SRPRB: variants seen among roughly 807,000 people sequenced by gnomAD.
The protein encoded by SRPRB is SRP receptor subunit beta.
SRPRB carries 20 observed loss-of-function variants against 31.9 expected under a neutral mutation model. That is an observed-to-expected ratio of 0.63 (90% CI 0.44 to 0.91). The LOEUF (loss-of-function observed/expected upper bound fraction) is 0.91. Ranked by LOEUF, SRPRB falls within the 40% of genes least tolerant of loss-of-function variation. The probability of loss-of-function intolerance (pLI) is 0.00; values close to 1 mark genes in which losing one functional copy is unlikely to be tolerated. For synonymous variants in SRPRB, 146 were observed against 132.8 expected (o/e 1.10, Z -0.68); for missense variants, 321 against 324.9 (o/e 0.99, Z 0.09).
In SRPRB at chr3:133,816,385, G is replaced by A. The variant is rs7615183; in HGVS notation, c.548-493G>A. 3.6e-3 allele frequency among the ~76,000 whole-genome samples: 554 copies of A among 152,272 alleles called. 3 individuals are homozygous for A. The highest frequency in any genetic ancestry group is 0.013 in the African/African-American group (525 of 41,566). The stretch of plus-strand genomic sequence containing the variant: ...ATTGAATATAAGGAAGGGAGTTATT[G>A]TTTATTTGCCATGGGCTTTGTGCCA... On this transcript the variant is annotated intron_variant, in intron 5 of 6. Transcript: ENST00000678299.
At chr3:133,815,197 C>G (rs1213683052) in intron 4 of SRPRB, among the ~76,000 whole-genome samples, 1 of 152,210 alleles carries the variant, frequency 6.6e-6, no homozygotes, top group Non-Finnish European at 1.5e-5. Flanking sequence ...AATTTTTGGT[C>G]TAGCTAAGAT....
At chr3:133,786,231 A>AAAAAC (rs1288769305) in intron 1 of SRPRB, 3 of 150,970 alleles carry the variant, frequency 2.0e-5, no homozygotes, top group Non-Finnish European at 2.9e-5. Flanking sequence ...TTAAAAAAAA[A>AAAAAC]AAAAAAAAAC....
upstream of SRPRB, among the ~76,000 whole-genome samples, chr3:133,803,529 G>T (rs1935092401): frequency 3.3e-5 from 5 of 152,158 alleles, no homozygotes; most frequent in Admixed American, 3.3e-4. Context: ...GCTTTTGAGG[G>T]TGTGCCTAAA....
intron 4 of SRPRB, among the ~76,000 whole-genome samples, chr3:133,811,534 T>A (rs1249338290): frequency 6.6e-6 from 1 of 152,122 alleles, no homozygotes; most frequent in Non-Finnish European, 1.5e-5. Context: ...AAAGCTGGGA[T>A]GAATCCTAGC....
chr3:133,804,113 A>AG (rs1193280480), upstream of SRPRB, among the ~76,000 whole-genome samples: 3 of 150,692 alleles, frequency 2.0e-5, no homozygotes, highest in Non-Finnish European at 4.4e-5. Flanking sequence ...AAAAAAAAAA[A>AG]AAAGAAAAAA....
intron 1 of SRPRB, among the ~76,000 whole-genome samples, chr3:133,798,261 G>A (rs144975954): frequency 3.0e-4 from 45 of 152,320 alleles, no homozygotes; most frequent in African/African-American, 9.6e-4. Context: ...GGGGCAAAAG[G>A]AAGCATAAAG....
intron 1 of SRPRB, chr3:133,791,286 T>A (rs1408666549): frequency 6.6e-6 from 1 of 152,164 alleles, no homozygotes; most frequent in African/African-American, 2.4e-5. Context: ...AGAATTTGAG[T>A]CATATTTCTC....
intron 6 of SRPRB, among the ~76,000 whole-genome samples, chr3:133,817,149 T>C (rs534454736): frequency 1.3e-5 from 2 of 152,208 alleles, no homozygotes; most frequent in Non-Finnish European, 2.9e-5. Flanking sequence ...GAAAGAAGAT[T>C]TTTTTGAAAC....
chr3:133,807,808 A>G lies in SRPRB; in HGVS notation c.312A>G (p.Arg104=). The part of the protein sequence containing the change: ...TSITDSCAVY[R]VNNNRGNSLT... Reference sequence around the variant, plus strand: ...TTACTGACAGCTGTGCTGTATACAGAGTCAACAATAACAGGGTAAGATGTT... The same window carrying G: ...TTACTGACAGCTGTGCTGTATACAGGGTCAACAATAACAGGGTAAGATGTT... Residue 104 remains arginine, a synonymous_variant, in exon 3 of 7, where the codon AGA becomes AGG. Transcript: ENST00000678299. 6.2e-7 allele frequency: 1 copy of G among 1,611,178 alleles called. No homozygotes were observed. The highest frequency in any genetic ancestry group is 8.5e-7 in the Non-Finnish European group (1 of 1,179,274).
At chr3:133,800,573 C>T (rs182318666) in intron 1 of SRPRB, among the ~76,000 whole-genome samples, 9 of 152,160 alleles carry the variant, frequency 5.9e-5, no homozygotes, top group South Asian at 4.1e-4. Flanking sequence ...TTGTATCTGA[C>T]GAAGAATATT....
chr3:133,818,365 T>C (rs1193794691), intron 6 of SRPRB, among the ~76,000 whole-genome samples: 1 of 152,220 alleles, frequency 6.6e-6, no homozygotes, highest in Admixed American at 6.5e-5. Flanking sequence ...CAATCCTTTT[T>C]TAAAAGCATT....
chr3:133,818,785 AGTGT>A (rs146467727), intron 6 of SRPRB, among the ~76,000 whole-genome samples: 6,087 of 144,136 alleles, frequency 0.042, 252 homozygotes, highest in African/African-American at 0.12. Flanking sequence ...ATACTTTTAC[AGTGT>A]GTGTGTGTGT....
chr3:133,827,950 A>G (rs1256618334), downstream of SRPRB: 5 of 702,884 alleles, frequency 7.1e-6, no homozygotes, highest in East Asian at 1.3e-4. Flanking sequence ...CCAGTCTATA[A>G]ACCACGCACC....
intron 6 of SRPRB, among the ~76,000 whole-genome samples, chr3:133,817,347 G>A (rs1232297954): frequency 1.3e-5 from 2 of 152,118 alleles, no homozygotes; most frequent in Admixed American, 1.3e-4. Context: ...AATAAAAACT[G>A]AGAATCAGGA....
chr3:133,786,333 T>C (rs965740891), intron 1 of SRPRB: 2 of 152,208 alleles, frequency 1.3e-5, no homozygotes. Context: ...TTTGTAAATC[T>C]TTTTGTTAAA....
intron 6 of SRPRB, among the ~76,000 whole-genome samples, chr3:133,819,187 C>T (rs1940097162): frequency 6.6e-6 from 1 of 152,124 alleles, no homozygotes; most frequent in African/African-American, 2.4e-5. Context: ...CCACACTTAA[C>T]TTTCAGAAAC....
chr3:133,798,854 C>G (rs72976303), intron 1 of SRPRB, among the ~76,000 whole-genome samples: 1 of 151,828 alleles, frequency 6.6e-6, no homozygotes, highest in Non-Finnish European at 1.5e-5. Flanking sequence ...CTAAAATGCA[C>G]GTTAGCTTTT....
intron 3 of SRPRB, chr3:133,810,814 C>A: frequency 4.0e-6 from 1 of 248,586 alleles, no homozygotes; most frequent in East Asian, 9.9e-5. Flanking sequence ...TCATGCTTCC[C>A]TGACTCCCCC....
chr3:133,806,573 C>A, intron 1 of SRPRB, 36 bp from the exon 2 acceptor site: 1 of 1,554,124 alleles, frequency 6.4e-7, no homozygotes, highest in Non-Finnish European at 8.9e-7. Context: ...ATTCCCAAGG[C>A]GTAATTTTTG....
Sources: gnomAD v4.1 joint callset for allele counts (sites outside exome capture counted in the v4.1 genomes callset) on GRCh38, gnomAD v4.1.1 for gene constraint, MANE v1.5 for transcripts, NCBI Gene and HGNC (gene_info 2026-07-23, HGNC 2026-07-21) for gene names.